CD53: variants seen among roughly 807,000 people sequenced by gnomAD.
CD53 encodes CD53 molecule.
In CD53, 20 loss-of-function variants were observed where a neutral mutation model predicts 27.3. The observed-to-expected ratio is 0.73, with a 90% CI of 0.52 to 1.07. The LOEUF (loss-of-function observed/expected upper bound fraction) is 1.07. Ranked by LOEUF, CD53 falls within the 50% of genes least tolerant of loss-of-function variation. The probability of loss-of-function intolerance (pLI) is 0.00; values close to 1 mark genes in which losing one functional copy is unlikely to be tolerated. For missense variants in CD53, 216 were observed against 264.0 expected (o/e 0.82, Z 1.26); for synonymous variants, 106 against 105.3 (o/e 1.01, Z -0.04).
rs775971960 is a variant in CD53 at position 110,896,635 on chromosome 1, TG to T, written c.424-13del. ...GTTGACTTTCTAACCATCATCATTT[TG>T]GGGGTTTGGCTTTTAGCTGCAGTGT... On this transcript the variant is annotated splice_polypyrimidine_tract_variant and intron_variant, in intron 5 of 7. Coordinates refer to ENST00000271324, the MANE Select transcript of CD53 (RefSeq NM_000560.4). 1.6e-4 allele frequency: 251 copies of T among 1,610,222 alleles called. No homozygotes were observed. Among genetic ancestry groups the T allele is most frequent in the Non-Finnish European group, 2.0e-4 (232 of 1,178,128 alleles).
intron 6 of CD53, among the ~76,000 whole-genome samples, chr1:110,897,139 C>T (rs531869767): frequency 6.6e-6 from 1 of 152,280 alleles, no homozygotes; most frequent in Non-Finnish European, 1.5e-5. Flanking sequence ...GAATCCAGCC[C>T]CTTAGGGAAA....
intron 7 of CD53, among the ~76,000 whole-genome samples, chr1:110,898,364 G>A (rs1488641395): frequency 2.2e-5 from 3 of 137,708 alleles, no homozygotes; most frequent in Middle Eastern, 3.9e-3. Flanking sequence ...GCGACAGAGC[G>A]AGACTCTGTC....
chr1:110,891,581 C>A, intron 2 of CD53, 110 bp downstream of exon 2: 1 of 801,488 alleles, frequency 1.2e-6, no homozygotes, highest in South Asian at 1.4e-5. Context: ...GTGTTTGGGT[C>A]ATGTCCAGCA....
At position 110,899,771 on chromosome 1, in the gene CD53, GA is replaced by G. The variant is rs906498573; in HGVS notation, c.*583del. ...TATTGATGTGTTCTAAGTCTTTCCA[GA>G]AAAAAACTATCCAGTGATTTATATC... On this transcript the variant is annotated 3_prime_UTR_variant, in exon 8 of 8. Transcript: ENST00000271324. 1.0e-4 allele frequency: 16 copies of G among 152,764 alleles called. No individual in the cohort carries two copies. The highest frequency in any genetic ancestry group is 2.9e-4 in the African/African-American group (12 of 41,528). The allele number at this position is 152,764 out of a possible 1,614,324, so 9.5% of individuals were successfully genotyped here.
upstream of CD53, among the ~76,000 whole-genome samples, chr1:110,872,616 A>G (rs1655997851): frequency 6.6e-6 from 1 of 152,248 alleles, no homozygotes; most frequent in African/African-American, 2.4e-5. Context: ...CTCTCGAGAC[A>G]GAGAAGTCTG....
intron 1 of CD53, chr1:110,880,408 C>T (rs759615974): frequency 2.6e-5 from 4 of 152,052 alleles, no homozygotes; most frequent in South Asian, 2.1e-4. Context: ...AGAAGAGGTT[C>T]TTCTTCCTGT....
chr1:110,895,847 C>T (rs56298121), intron 5 of CD53, among the ~76,000 whole-genome samples: 31,286 of 152,006 alleles, frequency 0.21, 3,448 homozygotes, highest in Non-Finnish European at 0.24. Flanking sequence ...ACACTTTTTT[C>T]GTTAGAATAT....
intron 1 of CD53, among the ~76,000 whole-genome samples, chr1:110,873,776 C>T (rs1570892056): frequency 1.3e-5 from 2 of 152,292 alleles, no homozygotes; most frequent in South Asian, 4.1e-4. Context: ...AAAATCAAAA[C>T]ACCAGGATGT....
In CD53 at chr1:110,892,343, A is replaced by T; in HGVS notation, c.64-2A>T. ...AGGATGTTGTGGGATTCTTCCTTTCAGATCTGTGGCTGCTGCATTTTGGGC... is the reference window on the plus strand; with the variant it reads ...AGGATGTTGTGGGATTCTTCCTTTCTGATCTGTGGCTGCTGCATTTTGGGC... On this transcript the variant is annotated splice_acceptor_variant, in intron 2 of 7. Transcript: ENST00000271324. LOFTEE classifies it high-confidence loss of function. 6.2e-7 allele frequency: 1 copy of T among 1,612,968 alleles called. No homozygotes were observed. The highest frequency in any genetic ancestry group is 8.5e-7 in the Non-Finnish European group (1 of 1,178,918).
At chr1:110,888,077 A>G (rs1452779026) in intron 1 of CD53, among the ~76,000 whole-genome samples, 3 of 152,214 alleles carry the variant, frequency 2.0e-5, no homozygotes, top group Non-Finnish European at 4.4e-5. Context: ...GAAAGGAGGT[A>G]AGGAATGCAG....
At chr1:110,877,350 C>T (rs2101038121) in intron 1 of CD53, among the ~76,000 whole-genome samples, 1 of 152,292 alleles carries the variant, frequency 6.6e-6, no homozygotes, top group Middle Eastern at 3.4e-3. Context: ...TGAGCATAGC[C>T]AGCCTGCAGA....
chr1:110,894,558 A>AG (rs386368055), intron 4 of CD53, among the ~76,000 whole-genome samples, 157 bp downstream of exon 4: 1 of 150,720 alleles, frequency 6.6e-6, no homozygotes, highest in Non-Finnish European at 1.5e-5. Flanking sequence ...TGGGGGGAAA[A>AG]TTTGTATGAA....
In CD53 at chr1:110,884,646, C is replaced by T. The variant is rs1038874764; in HGVS notation, c.-17-6746C>T. Among the ~76,000 whole-genome samples the T allele has an allele frequency of 4.6e-5, 7 of 151,310 alleles. No individual in the cohort carries two copies. The Admixed American group carries it at 4.6e-4, about 10-fold the overall frequency. The stretch of plus-strand genomic sequence containing the variant: ...CATAAATTTTGACTAGGTGCAAAAA[C>T]ACTTAGGATTTTTATGTTTTTTAGC... On this transcript the variant is annotated intron_variant, in intron 1 of 7. Transcript: ENST00000271324.
chr1:110,891,579 G>A, intron 2 of CD53, 108 bp downstream of exon 2: 1 of 815,148 alleles, frequency 1.2e-6, no homozygotes, highest in Non-Finnish European at 2.1e-6. Flanking sequence ...GCGTGTTTGG[G>A]TCATGTCCAG....
At chr1:110,895,133 T>C in intron 5 of CD53, 78 bp downstream of exon 5, 1 of 1,050,174 alleles carries the variant, frequency 9.5e-7, no homozygotes, top group Admixed American at 1.8e-5. Flanking sequence ...TAGTTCCTTT[T>C]TCTGGAAGTT....
upstream of CD53, among the ~76,000 whole-genome samples, chr1:110,872,656 T>C (rs1655998999): frequency 6.6e-6 from 1 of 152,204 alleles, no homozygotes; most frequent in Non-Finnish European, 1.5e-5. Context: ...GTCTAGAGAC[T>C]GGCTGAAGCC....
chr1:110,896,713 C>T lies in CD53; in HGVS notation c.484C>T (p.Pro162Ser). Reference sequence around the variant, plus strand: ...GACCAGTGGCCCACCAGCATCTTGCCCCTCAGATCGAAAAGTGGAGGTAAT... The same window carrying T: ...GACCAGTGGCCCACCAGCATCTTGCTCCTCAGATCGAAAAGTGGAGGTAAT... ...DWTSGPPASC[P>S]SDRKVEGCYA... The change falls in exon 6 of 8, where the codon CCC (proline) becomes TCC (serine). Residue 162 changes from proline (P) to serine (S), a missense_variant. By Grantham distance (74) the Pro-to-Ser change is moderately conservative. Coordinates refer to ENST00000271324, the MANE Select transcript of CD53 (RefSeq NM_000560.4). The T allele has an allele frequency of 6.2e-7, 1 of 1,613,108 alleles. No homozygotes were observed. Among genetic ancestry groups the T allele is most frequent in the Non-Finnish European group, 8.5e-7 (1 of 1,179,596 alleles).
At chr1:110,896,973 A>T (rs1289922953) in intron 6 of CD53, among the ~76,000 whole-genome samples, 1 of 152,176 alleles carries the variant, frequency 6.6e-6, no homozygotes, top group Non-Finnish European at 1.5e-5. Context: ...ATTAGAGGGG[A>T]ACAGTTACTT....
chr1:110,877,029 G>A (rs1373486378), intron 1 of CD53, among the ~76,000 whole-genome samples: 1 of 152,106 alleles, frequency 6.6e-6, no homozygotes, highest in Non-Finnish European at 1.5e-5. Flanking sequence ...TAACACTTAT[G>A]CAATATAATT....
Sources: allele counts gnomAD v4.1 joint callset (sites outside exome capture counted in the v4.1 genomes callset), GRCh38; gene constraint gnomAD v4.1.1; transcripts MANE v1.5; gene names NCBI Gene and HGNC (gene_info 2026-07-23, HGNC 2026-07-21).